Variants in HSPA4 observed in about 807,000 individuals in gnomAD.
HSPA4 encodes the protein heat shock protein family A (Hsp70) member 4.
HSPA4 carries 25 observed loss-of-function variants against 106.2 expected under a neutral mutation model. The ratio of observed to expected loss-of-function variants is 0.24; its 90% CI spans 0.17 to 0.33. HSPA4 has a LOEUF of 0.33. HSPA4 is among the 10% of genes least tolerant of loss of function. The pLI is 1.00. For synonymous variants in HSPA4, 332 were observed against 333.6 expected (o/e 1.00, Z 0.05); for missense variants, 841 against 996.0 (o/e 0.84, Z 2.10).
chr5:133,089,891 C>T (rs367788991), intron 11 of HSPA4, among the ~76,000 whole-genome samples, 196 bp downstream of exon 11: 6 of 151,926 alleles, frequency 3.9e-5, no homozygotes, highest in African/African-American at 1.2e-4. Context: ...TTGGAGAGTT[C>T]GCATAGTAGA....
chr5:133,072,409 T>G (rs964499675), intron 4 of HSPA4, among the ~76,000 whole-genome samples: 6 of 145,862 alleles, frequency 4.1e-5, no homozygotes, highest in African/African-American at 1.3e-4. Flanking sequence ...TTTTTTTTTT[T>G]TTTTTTGGAG....
chr5:133,097,911 GTTTTT>G (rs1315201113), intron 15 of HSPA4, among the ~76,000 whole-genome samples: 1 of 141,500 alleles, frequency 7.1e-6, no homozygotes, highest in Non-Finnish European at 1.6e-5. Flanking sequence ...AGAATTTTTA[GTTTTT>G]TTTTTTTTTT....
intron 2 of HSPA4, among the ~76,000 whole-genome samples, chr5:133,066,643 C>T (rs1403977691): frequency 6.6e-6 from 1 of 151,606 alleles, no homozygotes; most frequent in African/African-American, 2.4e-5. Context: ...CTCCCAATAT[C>T]CTTTTGTGTT....
chr5:133,053,348 CTTTTT>C (rs1205166477), intron 1 of HSPA4, among the ~76,000 whole-genome samples: 1 of 65,398 alleles, frequency 1.5e-5, no homozygotes, highest in African/African-American at 5.5e-5. Context: ...TTTTTTTTTT[CTTTTT>C]TGAGACAGAC....
intron 8 of HSPA4, among the ~76,000 whole-genome samples, chr5:133,087,788 T>C (rs1765597429): frequency 6.6e-6 from 1 of 152,128 alleles, no homozygotes; most frequent in African/African-American, 2.4e-5. Flanking sequence ...TACTTCTGGC[T>C]AATTTTTGTA....
chr5:133,103,602 C>T (rs1581484181), intron 17 of HSPA4, among the ~76,000 whole-genome samples: 1 of 152,208 alleles, frequency 6.6e-6, no homozygotes, highest in Admixed American at 6.5e-5. Context: ...TTGTATAAAT[C>T]GGGTGCTGCT....
chr5:133,096,609 G>T (rs566570750), intron 14 of HSPA4, among the ~76,000 whole-genome samples: 1 of 152,164 alleles, frequency 6.6e-6, no homozygotes, highest in Non-Finnish European at 1.5e-5. Context: ...AGGAGAAATC[G>T]TATGGCATTA....
At chr5:133,067,931 C>T (rs1357917003) in intron 3 of HSPA4, among the ~76,000 whole-genome samples, 2 of 146,000 alleles carry the variant, frequency 1.4e-5, no homozygotes, top group African/African-American at 5.1e-5. Context: ...CTCGCCTTGT[C>T]ACCCAGGCTG....
At chr5:133,097,624 C>T (rs1360222061) in intron 15 of HSPA4, among the ~76,000 whole-genome samples, 1 of 149,724 alleles carries the variant, frequency 6.7e-6, no homozygotes, top group Admixed American at 6.6e-5. Context: ...TCTCGGCTCA[C>T]TGCAGCCTCC....
rs1765085295 is a variant in HSPA4 at position 133,052,055 on chromosome 5, A to C, written c.-196A>C. 1.9e-6 allele frequency: 1 copy of C among 531,194 alleles called. No homozygotes were observed. The highest frequency in any genetic ancestry group is 3.3e-6 in the Non-Finnish European group (1 of 299,104). The allele number at this position is 531,194 out of a possible 1,614,324, so 32.9% of individuals were successfully genotyped here. A position where few individuals can be genotyped will look rare whatever the true frequency, so the allele number is the denominator to read the frequency against. ...CGCTACCGGCGCCTCCTCTGCGGCC[A>C]CTGAGCCGGAGCCGGCCTGAGCAGC... On this transcript the variant is annotated 5_prime_UTR_variant, in exon 1 of 19. Coordinates refer to ENST00000304858, the MANE Select transcript of HSPA4 (RefSeq NM_002154.4).
At chr5:133,092,553 G>A (rs1030296567) in intron 12 of HSPA4, 147 bp from the exon 13 acceptor site, 2 of 649,282 alleles carry the variant, frequency 3.1e-6, no homozygotes, top group African/African-American at 3.7e-5. Flanking sequence ...CTGTGTCCTA[G>A]GTAATGTGGC....
intron 1 of HSPA4, among the ~76,000 whole-genome samples, chr5:133,055,306 GATTTTTT>G (rs139501932): frequency 3.7e-5 from 3 of 81,440 alleles, no homozygotes; most frequent in African/African-American, 1.3e-4. Flanking sequence ...CAGGAAGGTT[GATTTTTT>G]TTTTTTTTTT....
At chr5:133,057,477 G>A (rs1185648359) in intron 1 of HSPA4, among the ~76,000 whole-genome samples, 1 of 151,762 alleles carries the variant, frequency 6.6e-6, no homozygotes. Context: ...TGGTGCCTCA[G>A]CCTCCCGAAT....
At chr5:133,088,920 G>A (rs1765611747) in intron 9 of HSPA4, 135 bp from the exon 10 acceptor site, 1 of 516,612 alleles carries the variant, frequency 1.9e-6, no homozygotes, top group African/African-American at 1.9e-5. Context: ...AAACTGTTCA[G>A]ACACCATTAA....
chr5:133,066,324 C>CT (rs1417352614), intron 2 of HSPA4, among the ~76,000 whole-genome samples: 6 of 152,296 alleles, frequency 3.9e-5, no homozygotes, highest in African/African-American at 1.4e-4. Context: ...CTTACTACAT[C>CT]TCCTGCATTG....
At position 133,096,190 on chromosome 5, in the gene HSPA4, C is replaced by T. The variant is rs760422075; in HGVS notation, c.1743C>T (p.Ile581=). Residue 581 remains isoleucine (I), a synonymous_variant, in exon 14 of 19, where the codon ATC becomes ATT. Transcript: ENST00000304858. ...KVKTSTVDLP[I]ENQLLWQIDR... ...AGACCAGTACTGTGGACCTGCCAAT[C>T]GAGAATCAGCTATTATGGCAGATAG... 9.3e-6 allele frequency: 15 copies of T among 1,613,686 alleles called. No individual in the cohort carries two copies. The highest frequency in any genetic ancestry group is 2.7e-5 in the African/African-American group (2 of 74,906).
rs1339616282 is a variant in HSPA4 at position 133,067,456 on chromosome 5, A to G, written c.205A>G (p.Arg69Gly). Residue 69 changes from arginine (R) to glycine (G), a missense_variant, in exon 3 of 19, where the codon AGA becomes GGA. Around this residue, in one of 5 missense-constraint regions of HSPA4, gnomAD observed 347 missense variants for 408.7 expected, o/e 0.85. Transcript: ENST00000304858. ...AAAGAACACAGTCCAAGGATTTAAAAGATTCCATGGCCGAGCATTCTCTGA... is the reference window on the plus strand; with the variant it reads ...AAAGAACACAGTCCAAGGATTTAAAGGATTCCATGGCCGAGCATTCTCTGA... ...NAKNTVQGFK[R>G]FHGRAFSDPF... 6.2e-7 allele frequency: 1 copy of G among 1,613,558 alleles called. No homozygotes were observed. Among genetic ancestry groups the G allele is most frequent in the East Asian group, 2.2e-5 (1 of 44,878 alleles).
intron 7 of HSPA4, among the ~76,000 whole-genome samples, chr5:133,085,794 A>G (rs1480430012): frequency 1.3e-5 from 2 of 151,516 alleles, no homozygotes; most frequent in Admixed American, 6.6e-5. Context: ...AGCACAGGGA[A>G]GGATGAATAG....
At chr5:133,061,036 A>G (rs1001046954) in intron 1 of HSPA4, among the ~76,000 whole-genome samples, 1 of 151,744 alleles carries the variant, frequency 6.6e-6, no homozygotes, top group Non-Finnish European at 1.5e-5. Context: ...TACATTTTTC[A>G]TTAAGACTTG....
Sources: allele counts gnomAD v4.1 joint callset (sites outside exome capture counted in the v4.1 genomes callset), GRCh38; gene constraint gnomAD v4.1.1; regional missense constraint gnomAD v4.1.1; transcripts MANE v1.5; gene names NCBI Gene and HGNC (gene_info 2026-07-23, HGNC 2026-07-21).